The following ZPBP variants were observed in gnomAD, a reference collection of about 807,000 sequenced individuals.
ZPBP encodes the protein zona pellucida-binding protein 1.
Under a neutral mutation model 44.8 loss-of-function variants are expected in ZPBP, and 26 were observed. The ratio of observed to expected loss-of-function variants is 0.58; its 90% confidence interval spans 0.43 to 0.81. The LOEUF is 0.81. Among genes scored for constraint, ZPBP ranks in the 30% least tolerant of loss-of-function variants. The pLI, the probability that ZPBP is intolerant of heterozygous loss-of-function variation, is 0.00. For missense variants in ZPBP, 409 were observed against 434.0 expected, an observed-to-expected ratio of 0.94 and a Z score of 0.51; for synonymous variants, 174 against 153.2, an observed-to-expected ratio of 1.14 and a Z score of -1.00.
At chr7:50,070,585 A>T (rs1037695483) in intron 3 of ZPBP, among the ~76,000 whole-genome samples, 2 of 152,202 alleles carry the variant, frequency 1.3e-5, no homozygotes, top group Non-Finnish European at 2.9e-5. Flanking sequence ...AGCCCCCAGA[A>T]ATGTAGTGGA....
At chr7:49,889,530 C>T (rs961579681) in intron 2 of ZPBP, among the ~76,000 whole-genome samples, 3 of 152,068 alleles carry the variant, frequency 2.0e-5, no homozygotes, top group Admixed American at 6.5e-5. Context: ...GAAGGAGTCC[C>T]GGGAGCTAGA....
chr7:50,007,305 C>T (rs962122585), intron 6 of ZPBP, among the ~76,000 whole-genome samples: 1 of 151,866 alleles, frequency 6.6e-6, no homozygotes, highest in East Asian at 1.9e-4. Context: ...TGGACAAAGT[C>T]CTAGAAACAT....
chr7:49,981,053 T>A (rs1164002093), intron 7 of ZPBP, among the ~76,000 whole-genome samples: 2 of 149,820 alleles, frequency 1.3e-5, no homozygotes, highest in African/African-American at 2.5e-5. Flanking sequence ...CAAAGTTATA[T>A]TAGGAAATAG....
intron 7 of ZPBP, among the ~76,000 whole-genome samples, chr7:49,953,357 A>G (rs1795434684): frequency 6.6e-6 from 1 of 152,180 alleles, no homozygotes; most frequent in Admixed American, 6.6e-5. Flanking sequence ...AGGAACATCT[A>G]TTTTGATAGC....
At chr7:49,975,285 T>C (rs1796458770) in intron 7 of ZPBP, among the ~76,000 whole-genome samples, 1 of 152,084 alleles carries the variant, frequency 6.6e-6, no homozygotes, top group African/African-American at 2.4e-5. Flanking sequence ...CTCACTAGGA[T>C]CTAGGAAAAG....
intron 6 of ZPBP, among the ~76,000 whole-genome samples, chr7:50,001,612 A>T (rs1277309785): frequency 6.6e-6 from 1 of 152,186 alleles, no homozygotes; most frequent in Non-Finnish European, 1.5e-5. Context: ...ATGAAACAAT[A>T]GTTTACAAGA....
At chr7:49,937,237 T>C (rs1794650680), downstream of ZPBP, among the ~76,000 whole-genome samples, 1 of 152,160 alleles carries the variant, frequency 6.6e-6, no homozygotes, top group South Asian at 2.1e-4. Flanking sequence ...AGAATATTTC[T>C]GAAAAATCCT....
intron 4 of ZPBP, among the ~76,000 whole-genome samples, chr7:50,048,192 A>G (rs1800483549): frequency 6.6e-6 from 1 of 152,188 alleles, no homozygotes. Flanking sequence ...TTTTATTATG[A>G]TAAAAAGGTC....
chr7:49,929,260 C>CT (rs1266433484), intron 1 of ZPBP, among the ~76,000 whole-genome samples: 41 of 152,302 alleles, frequency 2.7e-4, no homozygotes, highest in Admixed American at 2.4e-3. Flanking sequence ...CCCTGGATCA[C>CT]AGGAAGATGA....
chr7:50,014,008 A>G (rs1798700452), intron 6 of ZPBP, among the ~76,000 whole-genome samples: 1 of 152,138 alleles, frequency 6.6e-6, no homozygotes, highest in African/African-American at 2.4e-5. Flanking sequence ...CATTGCATAC[A>G]TAAGGTAACC....
chr7:50,074,156 A>T (rs921273371), intron 3 of ZPBP, among the ~76,000 whole-genome samples: 6 of 152,078 alleles, frequency 3.9e-5, no homozygotes, highest in African/African-American at 9.6e-5. Context: ...TAAGGCATAG[A>T]GTTTTTATTA....
intron 1 of ZPBP, among the ~76,000 whole-genome samples, chr7:50,091,466 T>C (rs1233635319): frequency 2.0e-5 from 3 of 152,194 alleles, no homozygotes; most frequent in Admixed American, 6.5e-5. Context: ...TCCTCATCTC[T>C]CACCTTACAT....
chr7:49,979,877 T>C (rs1210219796), intron 7 of ZPBP, among the ~76,000 whole-genome samples: 2 of 126,386 alleles, frequency 1.6e-5, no homozygotes, highest in Non-Finnish European at 3.2e-5. Context: ...TAATATATTA[T>C]ATATTACATA....
the ZPBP span, among the ~76,000 whole-genome samples, chr7:49,840,794 G>C: frequency 6.6e-6 from 1 of 152,014 alleles, no homozygotes; most frequent in African/African-American, 2.4e-5. Context: ...TAGTTTCCCC[G>C]TATTTCAGGT....
intron 1 of ZPBP, 145 bp downstream of exon 1, chr7:50,092,922 TA>T (rs1373188685): frequency 3.2e-6 from 4 of 1,266,548 alleles, no homozygotes; most frequent in Non-Finnish European, 3.1e-6. Context: ...ACGACTTCCA[TA>T]AAAAATAAGC....
At chr7:49,967,632 C>T (rs538191384) in intron 7 of ZPBP, among the ~76,000 whole-genome samples, 4 of 152,216 alleles carry the variant, frequency 2.6e-5, no homozygotes, top group Middle Eastern at 3.4e-3. Context: ...CTGCAACCTC[C>T]GCCTCCCGGG....
intron 1 of ZPBP, among the ~76,000 whole-genome samples, chr7:49,931,449 C>G (rs534105307): frequency 6.6e-6 from 1 of 152,246 alleles, no homozygotes; most frequent in East Asian, 1.9e-4. Context: ...AAATGAGGAG[C>G]TTGTTGGAAA....
intron 7 of ZPBP, among the ~76,000 whole-genome samples, chr7:49,977,009 G>C (rs539183371): frequency 1.3e-5 from 2 of 152,068 alleles, no homozygotes; most frequent in East Asian, 3.9e-4. Flanking sequence ...GCCTGAGGCA[G>C]GAGAAGGGCG....
At chr7:49,904,993 C>A (rs1483284728) in intron 1 of ZPBP, among the ~76,000 whole-genome samples, 1 of 152,086 alleles carries the variant, frequency 6.6e-6, no homozygotes, top group African/African-American at 2.4e-5. Context: ...CTCAGCCTCC[C>A]AAAGTGCTGG....
Sources: gnomAD v4.1 joint callset for allele counts (sites outside exome capture counted in the v4.1 genomes callset) on GRCh38, gnomAD v4.1.1 for gene constraint, MANE v1.5 for transcripts, NCBI Gene and HGNC (gene_info 2026-07-23, HGNC 2026-07-21) for gene names.